The following LCP2 variants were observed in gnomAD, a reference collection of about 807,000 sequenced individuals.
The protein encoded by LCP2 is 76 kDa tyrosine phosphoprotein.
In LCP2, 29 loss-of-function variants were observed where a neutral mutation model predicts 74.5. The ratio of observed to expected loss-of-function variants is 0.39; its 90% confidence interval spans 0.29 to 0.53. The LOEUF (loss-of-function observed/expected upper bound fraction) is 0.53, where lower values mean the gene tolerates loss of function less well. LCP2 is among the 20% of genes least tolerant of loss of function. LCP2 has a pLI of 0.72. For missense variants in LCP2, 604 were observed against 634.6 expected, an observed-to-expected ratio of 0.95 and a Z score of 0.52; for synonymous variants, 228 against 229.5, an observed-to-expected ratio of 0.99 and a Z score of 0.06.
chr5:170,264,055 T>C (rs968335176), intron 10 of LCP2, among the ~76,000 whole-genome samples: 2 of 152,222 alleles, frequency 1.3e-5, no homozygotes, highest in African/African-American at 4.8e-5. Flanking sequence ...ACCAGTTTCA[T>C]CTAGTAGTTG....
Position 170,268,880 on chromosome 5 carries a change from C to CATGCACACACATGTATATAT in LCP2, c.524-399_524-398insATATATACATGTGTGTGCAT, listed in dbSNP as rs375026835. On this transcript the variant is annotated intron_variant, in intron 7 of 20. Transcript: ENST00000046794. ...ACAGATATACACATGTGCACACATG[C>CATGCACACACATGTATATAT]ATGCACACACATGCATATATATGCA... Among the ~76,000 whole-genome samples the CATGCACACACATGTATATAT allele has an allele frequency of 1.3e-3, 70 of 55,932 alleles. 1 individual carries two copies. The highest frequency in any genetic ancestry group is 3.2e-3 in the African/African-American group (69 of 21,902). The allele number at this position is 55,932 out of a possible 152,430, so 36.7% of individuals were successfully genotyped here.
At chr5:170,296,923 G>T (rs1227987866) in intron 1 of LCP2, among the ~76,000 whole-genome samples, 1 of 152,180 alleles carries the variant, frequency 6.6e-6, no homozygotes, top group Admixed American at 6.5e-5. Flanking sequence ...GGAGCTTGAG[G>T]ACCCCCCTTA....
chr5:170,262,736 G>A lies in LCP2; in HGVS notation c.825C>T (p.Leu275=), dbSNP rs762690330. 40 of 1,613,640 alleles carry A rather than the reference G, an allele frequency of 2.5e-5. No homozygotes were observed. The Middle Eastern group carries it at 4.9e-4, about 20-fold the overall frequency. Residue 275 remains leucine, a synonymous_variant, in exon 13 of 21, where the codon CTC becomes CTT. Coordinates refer to ENST00000046794, the MANE Select transcript of LCP2 (RefSeq NM_005565.5). ...TTTGAATCTTGGGTAAATGCTCCCC[G>A]AGTGACCTGTGGAGTTCAGGAAAAG... is the stretch of plus-strand genomic sequence containing the variant. ...DKPSIPAGRS[L]GEHLPKIQKP...
chr5:170,274,302 A>C lies in LCP2; in HGVS notation c.323T>G (p.Phe108Cys). 6.2e-7 allele frequency: 1 copy of C among 1,613,222 alleles called. No homozygotes were observed. Among genetic ancestry groups the C allele is most frequent in the African/African-American group, 1.3e-5 (1 of 75,032 alleles). ...AAGAACAGCCCACACCATACTCACA[A>C]AGGACGACCAGCCCCCATTGTCCTC... ...HEEDNGGWSS[F>C]EEDDYESPND... The change falls in exon 6 of 21, where the codon TTT (phenylalanine) becomes TGT (cysteine). Residue 108 changes from phenylalanine (F) to cysteine (C), a missense_variant and splice_region_variant. Coordinates refer to ENST00000046794, the MANE Select transcript of LCP2 (RefSeq NM_005565.5).
chr5:170,293,415 C>T, intron 1 of LCP2, 43 bp from the exon 2 acceptor site: 1 of 1,544,654 alleles, frequency 6.5e-7, no homozygotes, highest in Non-Finnish European at 8.8e-7. Context: ...CGGGCAGTCT[C>T]TTACCATTGG....
Position 170,297,581 on chromosome 5 carries a change from C to G in LCP2, c.31G>C (p.Glu11Gln). ...CTGTCGGGGTCCCAGCCCAGGACCT[C>G]TGAGCGAAAGGGCACATTCCTCAGT... MALRNVPFRSEVLGWDPDSLA... is the reference protein window; with the variant it reads MALRNVPFRSQVLGWDPDSLA... The change falls in exon 1 of 21, where the codon GAG becomes CAG. Residue 11 changes from glutamate to glutamine, a missense_variant. Coordinates refer to ENST00000046794, the MANE Select transcript of LCP2 (RefSeq NM_005565.5). 6.2e-7 allele frequency: 1 copy of G among 1,612,950 alleles called. No homozygotes were observed. Among genetic ancestry groups the G allele is most frequent in the Non-Finnish European group, 8.5e-7 (1 of 1,179,502 alleles).
chr5:170,251,080 TTTGTTA>T, intron 19 of LCP2, 195 bp from the exon 20 acceptor site: 1 of 521,432 alleles, frequency 1.9e-6, no homozygotes, highest in Non-Finnish European at 3.4e-6. Context: ...CATGAGTTAT[TTTGTTA>T]TTAAGAAAGG....
In LCP2 at chr5:170,257,047, G is replaced by A. The variant is rs188544766; in HGVS notation, c.1101-472C>T. On this transcript the variant is annotated intron_variant, in intron 16 of 20. Coordinates refer to ENST00000046794, the MANE Select transcript of LCP2 (RefSeq NM_005565.5). ...ATGTTAGGTGGGCTCTGCAGCAGAC[G>A]GTGATAGCATTTGCAGGGCTGGGGT... Among the ~76,000 whole-genome samples the A allele has an allele frequency of 6.3e-4, 96 of 152,278 alleles. 1 individual carries two copies. The highest frequency in any genetic ancestry group is 2.1e-3 in the African/African-American group (87 of 41,554).
intron 3 of LCP2, 77 bp from the exon 4 acceptor site, chr5:170,275,937 T>C: frequency 3.1e-6 from 4 of 1,307,186 alleles, no homozygotes; most frequent in Non-Finnish European, 4.3e-6. Flanking sequence ...TGATATCCCC[T>C]GGTCTATAGA....
intron 18 of LCP2, 121 bp downstream of exon 18, chr5:170,252,998 C>T: frequency 1.5e-6 from 1 of 651,706 alleles, no homozygotes; most frequent in Non-Finnish European, 2.6e-6. Context: ...ACTTTTTTTT[C>T]AAATAAATAA....
At chr5:170,296,175 G>A (rs1167614756) in intron 1 of LCP2, among the ~76,000 whole-genome samples, 2 of 151,944 alleles carry the variant, frequency 1.3e-5, no homozygotes, top group Non-Finnish European at 2.9e-5. Context: ...TATCTTATTT[G>A]GTCTATATTT....
At chr5:170,268,251 C>T (rs1761805209) in intron 8 of LCP2, 134 bp downstream of exon 8, 1 of 164,620 alleles carries the variant, frequency 6.1e-6, no homozygotes, top group Non-Finnish European at 1.3e-5. Context: ...TTTCCCCAGC[C>T]GAGGGAAAAG....
At chr5:170,264,539 G>A (rs1761714076) in intron 10 of LCP2, among the ~76,000 whole-genome samples, 1 of 152,248 alleles carries the variant, frequency 6.6e-6, no homozygotes, top group Non-Finnish European at 1.5e-5. Context: ...CACTGAGTGT[G>A]GTGGCTCATG....
At chr5:170,249,381 T>G (rs1005108295) in intron 20 of LCP2, among the ~76,000 whole-genome samples, 1 of 55,240 alleles carries the variant, frequency 1.8e-5, no homozygotes, top group Non-Finnish European at 5.4e-5. Flanking sequence ...TATATATATA[T>G]CTACATATCT....
Position 170,248,579 on chromosome 5 carries a change from T to C in LCP2, c.*118A>G. On this transcript the variant is annotated 3_prime_UTR_variant, in exon 21 of 21. Coordinates refer to ENST00000046794, the MANE Select transcript of LCP2 (RefSeq NM_005565.5). Reference sequence around the variant, plus strand: ...GTTTTTAAAGGAAAGGATAAAACCCTTGTGTTCATGGGGAGGGGTTCAGTT... The same window carrying C: ...GTTTTTAAAGGAAAGGATAAAACCCCTGTGTTCATGGGGAGGGGTTCAGTT... 9.7e-7 allele frequency: 1 copy of C among 1,025,994 alleles called. No homozygotes were observed. Among genetic ancestry groups the C allele is most frequent in the South Asian group, 1.4e-5 (1 of 71,722 alleles). The allele number at this position is 1,025,994 out of a possible 1,614,324, so 63.6% of individuals were successfully genotyped here.
chr5:170,259,587 G>A lies in LCP2; in HGVS notation c.958-709C>T, dbSNP rs12659109. 4.5e-3 allele frequency among the ~76,000 whole-genome samples: 679 copies of A among 152,312 alleles called. 6 individuals carry two copies. The East Asian group carries it at 0.048, about 11-fold the overall frequency. The stretch of plus-strand genomic sequence containing the variant: ...AAAAGGGCCAGCTTGAACTTGTTTG[G>A]TTAGGCCAGATCTGTAATGATGAAA... On this transcript the variant is annotated intron_variant, in intron 14 of 20. Transcript: ENST00000046794.
At position 170,273,380 on chromosome 5, in the gene LCP2, AG is replaced by A. The variant is rs555272021; in HGVS notation, c.324+920del. 3.8e-3 allele frequency among the ~76,000 whole-genome samples: 584 copies of A among 152,376 alleles called. 1 individual carries two copies. The highest frequency in any genetic ancestry group is 5.8e-3 in the Non-Finnish European group (392 of 68,036). ...CTGTCAAATTCCTTCATTTTCAGGT[AG>A]AAAGCATAAACTTAGCTAAATCTTT... is the stretch of plus-strand genomic sequence containing the variant. On this transcript the variant is annotated intron_variant, in intron 6 of 20. Transcript: ENST00000046794.
chr5:170,261,973 G>GT (rs1183341992), intron 13 of LCP2, among the ~76,000 whole-genome samples: 4 of 152,132 alleles, frequency 2.6e-5, no homozygotes, highest in Admixed American at 6.5e-5. Flanking sequence ...TACTGAGGAG[G>GT]TTTTTTGGCA....
intron 3 of LCP2, among the ~76,000 whole-genome samples, chr5:170,277,467 G>A (rs890627675): frequency 4.6e-5 from 7 of 152,132 alleles, no homozygotes; most frequent in Non-Finnish European, 8.8e-5. Flanking sequence ...TGGGCTCCAG[G>A]CTGGGCGCGG....
Sources: gnomAD v4.1 joint callset for allele counts (sites outside exome capture counted in the v4.1 genomes callset) on GRCh38, gnomAD v4.1.1 for gene constraint, MANE v1.5 for transcripts, NCBI Gene and HGNC (gene_info 2026-07-23, HGNC 2026-07-21) for gene names.